Variants in PCED1B observed in about 807,000 individuals in gnomAD.
PCED1B encodes PC-esterase domain-containing protein 1B.
For synonymous variants in PCED1B, 251 were observed against 246.1 expected (o/e 1.02, Z -0.19); for missense variants, 573 against 573.9 (o/e 1.00, Z 0.02).
intron 2 of PCED1B, among the ~76,000 whole-genome samples, chr12:47,147,117 C>T (rs1008693845): frequency 1.3e-5 from 2 of 151,058 alleles, no homozygotes; most frequent in East Asian, 3.9e-4. Flanking sequence ...TCTCCTGCCT[C>T]AGCCTCCTGA....
At chr12:47,185,374 G>A (rs1942222205) in intron 2 of PCED1B, among the ~76,000 whole-genome samples, 1 of 152,190 alleles carries the variant, frequency 6.6e-6, no homozygotes, top group Admixed American at 6.5e-5. Flanking sequence ...TGAAGAAGGA[G>A]GCAGAAGTTG....
intron 2 of PCED1B, among the ~76,000 whole-genome samples, chr12:47,132,261 A>G (rs753759834): frequency 6.6e-6 from 1 of 152,176 alleles, no homozygotes; most frequent in African/African-American, 2.4e-5. Flanking sequence ...GTGGGTGTAC[A>G]TAAACACAGT....
At position 47,137,675 on chromosome 12, in the gene PCED1B, C is replaced by T. The variant is rs887168586; in HGVS notation, c.-526+33480C>T. Among the ~76,000 whole-genome samples, 3 of 145,114 alleles carry T rather than the reference C, an allele frequency of 2.1e-5. No individual in the cohort carries two copies. The Admixed American group carries it at 2.1e-4, about 10-fold the overall frequency. ...GCCTGGAGGTTGAGGCTGCATTGAG[C>T]TGAAATCATGCCACTGCACTCCAGC... On this transcript the variant is annotated intron_variant, in intron 2 of 3. Coordinates refer to ENST00000546455, the MANE Select transcript of PCED1B (RefSeq NM_138371.3).
In PCED1B at chr12:47,104,632, T is replaced by C. The variant is rs190527277; in HGVS notation, c.-526+437T>C. 2.6e-4 allele frequency among the ~76,000 whole-genome samples: 39 copies of C among 152,284 alleles called. 1 individual carries two copies. The East Asian group carries it at 7.1e-3, about 28-fold the overall frequency. ...ATTAAGAGTAAATTATGTTGTACCC[T>C]GGAGGGAAAAAACCCAAGTAGTCAT... On this transcript the variant is annotated intron_variant, in intron 2 of 3. Transcript: ENST00000546455.
At chr12:47,117,394 G>A (rs985794703) in intron 2 of PCED1B, among the ~76,000 whole-genome samples, 1 of 151,828 alleles carries the variant, frequency 6.6e-6, no homozygotes, top group African/African-American at 2.4e-5. Flanking sequence ...TCCCCATCCT[G>A]TGTCCAAGTG....
At chr12:47,215,961 G>A (rs888418104) in intron 2 of PCED1B, among the ~76,000 whole-genome samples, 4 of 152,070 alleles carry the variant, frequency 2.6e-5, no homozygotes, top group East Asian at 3.9e-4. Context: ...CCTGAAGCAG[G>A]AGAATCGCTT....
At chr12:47,131,064 G>A (rs1157805906) in intron 2 of PCED1B, among the ~76,000 whole-genome samples, 1 of 152,160 alleles carries the variant, frequency 6.6e-6, no homozygotes, top group African/African-American at 2.4e-5. Flanking sequence ...AAAAACTGAA[G>A]ATATCTCGAT....
At chr12:47,167,271 G>A (rs1228987044) in intron 2 of PCED1B, among the ~76,000 whole-genome samples, 1 of 152,088 alleles carries the variant, frequency 6.6e-6, no homozygotes, top group African/African-American at 2.4e-5. Flanking sequence ...GGCATATTTT[G>A]GGGGGTGTAG....
intron 2 of PCED1B, among the ~76,000 whole-genome samples, chr12:47,188,971 A>G (rs1050399697): frequency 6.6e-6 from 1 of 152,066 alleles, no homozygotes; most frequent in Admixed American, 6.5e-5. Flanking sequence ...TGATTAGGTC[A>G]CTGTGAACTT....
At chr12:47,153,805 C>T (rs1463693332) in intron 2 of PCED1B, among the ~76,000 whole-genome samples, 1 of 152,060 alleles carries the variant, frequency 6.6e-6, no homozygotes, top group Non-Finnish European at 1.5e-5. Context: ...ATTCTGTTTC[C>T]CTTGTCCTAT....
intron 2 of PCED1B, among the ~76,000 whole-genome samples, chr12:47,146,998 CTT>C (rs59400736): frequency 1.0e-4 from 10 of 98,990 alleles, no homozygotes; most frequent in Admixed American, 3.9e-4. Context: ...GTTCATTGCT[CTT>C]TTTTTTTTTT....
chr12:47,223,902 T>A (rs941937649), intron 3 of PCED1B: 1 of 152,182 alleles, frequency 6.6e-6, no homozygotes, highest in African/African-American at 2.4e-5. Flanking sequence ...ACGAGGTAGG[T>A]AATATTATTC....
chr12:47,192,240 G>A (rs1314296894), intron 2 of PCED1B, among the ~76,000 whole-genome samples: 4 of 146,134 alleles, frequency 2.7e-5, no homozygotes, highest in Non-Finnish European at 4.5e-5. Context: ...AACAGTAAAT[G>A]CATGTTGATT....
At chr12:47,149,449 GT>G (rs60374934) in intron 2 of PCED1B, among the ~76,000 whole-genome samples, 2,823 of 152,266 alleles carry the variant, frequency 0.019, 88 homozygotes, top group African/African-American at 0.062. Context: ...TCCCTGTTAA[GT>G]GATTTGAGAT....
intron 3 of PCED1B, among the ~76,000 whole-genome samples, chr12:47,233,604 T>C (rs1023841928): frequency 6.6e-6 from 1 of 152,208 alleles, no homozygotes; most frequent in African/African-American, 2.4e-5. Flanking sequence ...ATCATCTTGG[T>C]GTCCATTCCC....
chr12:47,170,082 G>A (rs1941676015), intron 2 of PCED1B, among the ~76,000 whole-genome samples: 1 of 151,868 alleles, frequency 6.6e-6, no homozygotes, highest in Non-Finnish European at 1.5e-5. Flanking sequence ...CTTGAGATTA[G>A]GGAGTGGTGA....
chr12:47,209,224 AGAC>A (rs1943004519), intron 2 of PCED1B: 2 of 152,170 alleles, frequency 1.3e-5, no homozygotes, highest in Admixed American at 1.3e-4. Flanking sequence ...TTCCTCATGG[AGAC>A]AGTAAGAGCT....
intron 2 of PCED1B, among the ~76,000 whole-genome samples, chr12:47,118,758 T>C (rs1939546182): frequency 6.6e-6 from 1 of 152,334 alleles, no homozygotes; most frequent in Admixed American, 6.5e-5. Context: ...GGGGATGGCA[T>C]TGAATCTATA....
At chr12:47,129,499 A>C (rs1307693667) in intron 2 of PCED1B, among the ~76,000 whole-genome samples, 1 of 152,128 alleles carries the variant, frequency 6.6e-6, no homozygotes, top group Non-Finnish European at 1.5e-5. Flanking sequence ...AAAATAAAAT[A>C]AAATAATAAA....
Sources: gnomAD v4.1 joint callset for allele counts (sites outside exome capture counted in the v4.1 genomes callset) on GRCh38, gnomAD v4.1.1 for gene constraint, MANE v1.5 for transcripts, NCBI Gene and HGNC (gene_info 2026-07-23, HGNC 2026-07-21) for gene names.